The following MGA variants were observed in gnomAD, a reference collection of about 807,000 sequenced individuals.
MGA encodes MAX dimerization protein MGA, also known as MAX gene-associated protein.
MGA carries 40 observed loss-of-function variants against 261.1 expected under a neutral mutation model. That is an observed-to-expected ratio of 0.15 (90% confidence interval 0.12 to 0.20). The LOEUF is 0.20. Ranked by LOEUF, MGA falls within the 10% of genes least tolerant of loss-of-function variation. The pLI is 1.00. For missense variants in MGA, 3,397 were observed against 3,630.5 expected (o/e 0.94, Z 1.65); for synonymous variants, 1,302 against 1,290.6 (o/e 1.01, Z -0.19).
intron 2 of MGA, among the ~76,000 whole-genome samples, chr15:41,682,414 T>G (rs563973139): frequency 6.6e-6 from 1 of 152,332 alleles, no homozygotes; most frequent in South Asian, 2.1e-4. Context: ...AGCTGCCATC[T>G]TGGGATTTTC....
chr15:41,748,069 CAA>C (rs1435387418), intron 15 of MGA, among the ~76,000 whole-genome samples: 1 of 152,044 alleles, frequency 6.6e-6, no homozygotes, highest in Non-Finnish European at 1.5e-5. Flanking sequence ...CTAGCTTGAG[CAA>C]CAAAGCAAGA....
In MGA at chr15:41,736,500, T is replaced by A; in HGVS notation, c.4236T>A (p.Ser1412=). ...ACCAAGATGATATGGCTGAGAAATC[T>A]GGATCAGAGACTCCTGATGGTCCAT... Residue 1412 remains serine (S), a synonymous_variant, in exon 13 of 24, where the codon TCT becomes TCA. Transcript: ENST00000219905. 1 of 1,614,014 alleles carries A rather than the reference T, an allele frequency of 6.2e-7. No individual in the cohort carries two copies. The highest frequency in any genetic ancestry group is 8.5e-7 in the Non-Finnish European group (1 of 1,179,886).
intron 2 of MGA, among the ~76,000 whole-genome samples, chr15:41,691,331 T>C (rs962419292): frequency 5.7e-4 from 87 of 152,224 alleles, no homozygotes; most frequent in African/African-American, 2.0e-3. Context: ...CATTTCACTT[T>C]TGACATTCAT....
chr15:41,656,363 T>TCTCTCTCTC (rs2057187391), upstream of MGA, among the ~76,000 whole-genome samples: 1 of 137,282 alleles, frequency 7.3e-6, no homozygotes, highest in African/African-American at 2.6e-5. Flanking sequence ...TCTCTCTCTC[T>TCTCTCTCTC]CTCTCTCTCT....
chr15:41,697,052 A>G (rs745862279), intron 3 of MGA, 29 bp downstream of exon 3: 2 of 1,454,332 alleles, frequency 1.4e-6, no homozygotes, highest in Non-Finnish European at 1.8e-6. Flanking sequence ...GGATTCTTTA[A>G]GGCTAATTAG....
intron 15 of MGA, among the ~76,000 whole-genome samples, chr15:41,745,417 T>TA (rs2062400779): frequency 6.6e-6 from 1 of 151,344 alleles, no homozygotes; most frequent in South Asian, 2.1e-4. Context: ...TCCTGTTAGC[T>TA]ACTATATATT....
chr15:41,769,143 G>T lies in MGA; in HGVS notation c.*1863G>T, dbSNP rs1196125637. On this transcript the variant is annotated 3_prime_UTR_variant, in exon 24 of 24. Coordinates refer to ENST00000219905, the MANE Select transcript of MGA (RefSeq NM_001164273.2). ...TAGAGATGCTAGTACTTTAATCCAG[G>T]TATAGCAGTTTCCCGTTATTTTCTT... 3 of 152,518 alleles carry T rather than the reference G, an allele frequency of 2.0e-5. 1 individual carries two copies. The highest frequency in any genetic ancestry group is 2.0e-4 in the Admixed American group (3 of 15,274). 9.4% of individuals were successfully genotyped at this position (152,518 alleles called of 1,614,324 possible).
In MGA at chr15:41,708,263, T is replaced by G; in HGVS notation, c.2425+55T>G. On this transcript the variant is annotated intron_variant, in intron 7 of 23. Transcript: ENST00000219905. ...TTCTGAAACATGTAGCCAGAAACCT[T>G]TTGTTAAAAGTAAGTCTTGGTTGTT... The G allele has an allele frequency of 3.2e-6, 4 of 1,253,530 alleles. No homozygotes were observed. In the South Asian group the frequency reaches 5.6e-5, roughly 18 times the overall value. The allele number at this position is 1,253,530 out of a possible 1,614,324, so 77.7% of individuals were successfully genotyped here.
At chr15:41,713,073 G>A in intron 8 of MGA, 78 bp from the exon 9 acceptor site, 1 of 1,546,422 alleles carries the variant, frequency 6.5e-7, no homozygotes, top group Non-Finnish European at 8.7e-7. Flanking sequence ...GAGTAATGCA[G>A]TCCAGTATAT....
intron 2 of MGA, among the ~76,000 whole-genome samples, chr15:41,686,664 C>T (rs1003281808): frequency 3.3e-5 from 5 of 152,038 alleles, no homozygotes; most frequent in Admixed American, 3.3e-4. Flanking sequence ...CCTACTGTTA[C>T]CCATTTTCCT....
chr15:41,672,120 G>A (rs1228705555), intron 2 of MGA, among the ~76,000 whole-genome samples: 1 of 152,184 alleles, frequency 6.6e-6, no homozygotes, highest in East Asian at 1.9e-4. Context: ...GGAGGATAGG[G>A]CCTGAAGGAG....
chr15:41,684,211 A>G (rs1040697759), intron 2 of MGA, among the ~76,000 whole-genome samples: 3 of 152,148 alleles, frequency 2.0e-5, no homozygotes, highest in Non-Finnish European at 4.4e-5. Flanking sequence ...ATTACTGGGC[A>G]CTCAGCAAAT....
At chr15:41,712,365 C>G (rs577389138) in intron 8 of MGA, among the ~76,000 whole-genome samples, 46 of 152,046 alleles carry the variant, frequency 3.0e-4, no homozygotes, top group African/African-American at 1.1e-3. Context: ...GTGTGCACTA[C>G]CACGCCTGGC....
At chr15:41,733,726 T>C (rs2061632070) in intron 11 of MGA, among the ~76,000 whole-genome samples, 1 of 152,196 alleles carries the variant, frequency 6.6e-6, no homozygotes, top group African/African-American at 2.4e-5. Flanking sequence ...AACATACGCA[T>C]ATATATAGCT....
Position 41,766,262 on chromosome 15 carries a change from A to G in MGA, c.8180A>G (p.Tyr2727Cys). The change falls in exon 24 of 24, where the codon TAT becomes TGT. Residue 2727 changes from tyrosine to cysteine, a missense_variant. This residue lies in a region of MGA where 647 missense variants were observed against 642.4 expected (regional missense o/e 1.01). Transcript: ENST00000219905. ...TTTCTGGCAAACAAAGATTCTGGTT[A>G]TCCACAAATAGTTGACGTTTCCAAT... 6.2e-7 allele frequency: 1 copy of G among 1,614,026 alleles called. No homozygotes were observed. The highest frequency in any genetic ancestry group is 1.7e-5 in the Admixed American group (1 of 60,020).
At position 41,766,976 on chromosome 15, in the gene MGA, C is replaced by T. The variant is rs767738186; in HGVS notation, c.8894C>T (p.Pro2965Leu). 2 of 1,614,018 alleles carry T rather than the reference C, an allele frequency of 1.2e-6. No homozygotes were observed. Among genetic ancestry groups the T allele is most frequent in the South Asian group, 1.1e-5 (1 of 91,080 alleles). The change falls in exon 24 of 24, where the codon CCC (proline) becomes CTC (leucine). Residue 2965 changes from proline (P) to leucine (L), a missense_variant. Coordinates refer to ENST00000219905, the MANE Select transcript of MGA (RefSeq NM_001164273.2). ...GAGCCCGAAAGTGTGTCCTCACCCC[C>T]CACCCTACACATGAAGACTGGCTTG... is the stretch of plus-strand genomic sequence containing the variant.
chr15:41,660,402 G>T (rs1419243373), upstream of MGA: 1 of 152,618 alleles, frequency 6.6e-6, no homozygotes, highest in African/African-American at 2.4e-5. Flanking sequence ...CGGTGACGTG[G>T]ACGTCCGGTG....
At chr15:41,626,855 T>C (rs1338071266) in intron 1 of MGA, among the ~76,000 whole-genome samples, 1 of 152,208 alleles carries the variant, frequency 6.6e-6, no homozygotes. Flanking sequence ...ATATTTACTA[T>C]AATTAAAATA....
At chr15:41,626,920 A>G (rs1328034135) in intron 1 of MGA, among the ~76,000 whole-genome samples, 1 of 151,910 alleles carries the variant, frequency 6.6e-6, no homozygotes, top group African/African-American at 2.4e-5. Context: ...CTGGAGCGCA[A>G]ATGGCACTAT....
Sources: allele counts gnomAD v4.1 joint callset (sites outside exome capture counted in the v4.1 genomes callset), GRCh38; gene constraint gnomAD v4.1.1; regional missense constraint gnomAD v4.1.1; transcripts MANE v1.5; gene names NCBI Gene and HGNC (gene_info 2026-07-23, HGNC 2026-07-21).